DYNC1I1: variants seen among roughly 807,000 people sequenced by gnomAD.
DYNC1I1 encodes the protein dynein cytoplasmic 1 intermediate chain 1, also known as cytoplasmic dynein 1 intermediate chain 1.
DYNC1I1 carries 43 observed loss-of-function variants against 86.6 expected under a neutral mutation model. The observed-to-expected ratio is 0.50, with a 90% CI of 0.39 to 0.64. DYNC1I1 has a LOEUF of 0.64. DYNC1I1 is among the 30% of genes least tolerant of loss of function. The pLI, the probability that DYNC1I1 is intolerant of heterozygous loss-of-function variation, is 0.00. For missense variants in DYNC1I1, 604 were observed against 788.8 expected, an observed-to-expected ratio of 0.77 and a Z score of 2.81; for synonymous variants, 262 against 283.7, an observed-to-expected ratio of 0.92 and a Z score of 0.77.
At chr7:95,809,875 T>C (rs1451323974) in intron 2 of DYNC1I1, among the ~76,000 whole-genome samples, 2 of 152,184 alleles carry the variant, frequency 1.3e-5, no homozygotes, top group Non-Finnish European at 2.9e-5. Flanking sequence ...TAGCCCAGTT[T>C]ATTTTAAACC....
At chr7:96,070,903 T>A (rs1485732939) in intron 14 of DYNC1I1, among the ~76,000 whole-genome samples, 1 of 152,220 alleles carries the variant, frequency 6.6e-6, no homozygotes, top group African/African-American at 2.4e-5. Flanking sequence ...TGAAATCATT[T>A]TGTTTACTTG....
At chr7:96,023,672 T>C (rs1217432905) in intron 10 of DYNC1I1, among the ~76,000 whole-genome samples, 1 of 152,130 alleles carries the variant, frequency 6.6e-6, no homozygotes, top group Non-Finnish European at 1.5e-5. Context: ...CTGACTTCTC[T>C]TTAAATAGAT....
intron 10 of DYNC1I1, among the ~76,000 whole-genome samples, chr7:96,015,881 G>A (rs1794389339): frequency 6.6e-6 from 1 of 152,100 alleles, no homozygotes; most frequent in Non-Finnish European, 1.5e-5. Flanking sequence ...ATATCTTATA[G>A]TAAGCACTTA....
At chr7:95,926,561 T>C (rs1422753282) in intron 6 of DYNC1I1, among the ~76,000 whole-genome samples, 1 of 152,186 alleles carries the variant, frequency 6.6e-6, no homozygotes, top group Non-Finnish European at 1.5e-5. Flanking sequence ...TTTAGATGTA[T>C]TTATTTTTTC....
chr7:95,798,648 A>T lies in DYNC1I1; in HGVS notation c.-9-6073A>T, dbSNP rs79871963. Among the ~76,000 whole-genome samples, 982 of 152,324 alleles carry T rather than the reference A, an allele frequency of 6.4e-3. 13 individuals are homozygous for T. The highest frequency in any genetic ancestry group is 0.022 in the African/African-American group (923 of 41,568). On this transcript the variant is annotated intron_variant, in intron 1 of 16. Coordinates refer to ENST00000447467, the MANE Select transcript of DYNC1I1 (RefSeq NM_001135556.2). ...CTAGGATTCTGACTTTAAGCTTAAA[A>T]ATACATTTGCATATGCCAGCATTAG...
At chr7:95,773,269 G>A (rs1379393931) in intron 1 of DYNC1I1, among the ~76,000 whole-genome samples, 2 of 152,234 alleles carry the variant, frequency 1.3e-5, no homozygotes, top group Admixed American at 6.5e-5. Flanking sequence ...GTCGGAGGGA[G>A]CGAATTCACT....
At chr7:96,088,571 TTGC>T (rs1206621016) in intron 16 of DYNC1I1, among the ~76,000 whole-genome samples, 1 of 152,146 alleles carries the variant, frequency 6.6e-6, no homozygotes, top group African/African-American at 2.4e-5. Flanking sequence ...TCTTGAAAAA[TTGC>T]TGCTTAGAGC....
chr7:95,804,986 T>G, intron 2 of DYNC1I1, 149 bp downstream of exon 2: 1 of 1,374,690 alleles, frequency 7.3e-7, no homozygotes, highest in South Asian at 1.9e-5. Flanking sequence ...CATGGTAAAG[T>G]TGTTGCCCTC....
intron 9 of DYNC1I1, 134 bp from the exon 10 acceptor site, chr7:95,995,814 G>A: frequency 7.8e-7 from 1 of 1,281,120 alleles, no homozygotes; most frequent in Non-Finnish European, 1.1e-6. Context: ...GCAGTAAGCT[G>A]ATAGTAGGTA....
chr7:95,970,231 C>T (rs960252131), intron 6 of DYNC1I1, among the ~76,000 whole-genome samples: 19 of 152,260 alleles, frequency 1.2e-4, no homozygotes, highest in African/African-American at 2.9e-4. Flanking sequence ...CTGGCAACTG[C>T]GCCGACCAAA....
In DYNC1I1 at chr7:95,865,732, C is replaced by T. The variant is rs143852858; in HGVS notation, c.375-4151C>T. Among the ~76,000 whole-genome samples the T allele has an allele frequency of 4.0e-3, 603 of 152,214 alleles. 3 individuals carry two copies. The highest frequency in any genetic ancestry group is 0.013 in the African/African-American group (538 of 41,512). On this transcript the variant is annotated intron_variant, in intron 5 of 16. Coordinates refer to ENST00000447467, the MANE Select transcript of DYNC1I1 (RefSeq NM_001135556.2). ...CTACAACTGCCTACGGTATTTAGTA[C>T]GGTAATATGCTGTACAGGGTTGTAG...
chr7:96,086,596 G>C (rs115121747), intron 16 of DYNC1I1, among the ~76,000 whole-genome samples: 1 of 152,078 alleles, frequency 6.6e-6, no homozygotes, highest in Non-Finnish European at 1.5e-5. Context: ...CAAATAGCTT[G>C]TTTGATACGA....
At chr7:95,823,993 G>GTTT (rs10550145) in intron 4 of DYNC1I1, among the ~76,000 whole-genome samples, 2 of 78,432 alleles carry the variant, frequency 2.5e-5, no homozygotes, top group Non-Finnish European at 4.7e-5. Flanking sequence ...TTGGTTTTTT[G>GTTT]TTTTTTTTTT....
At chr7:95,974,372 A>G (rs1274896423) in intron 6 of DYNC1I1, among the ~76,000 whole-genome samples, 1 of 152,182 alleles carries the variant, frequency 6.6e-6, no homozygotes, top group African/African-American at 2.4e-5. Flanking sequence ...TTTGTTTTGA[A>G]GATTTATGCT....
intron 5 of DYNC1I1, among the ~76,000 whole-genome samples, chr7:95,847,591 C>G (rs1460369259): frequency 6.6e-6 from 1 of 152,144 alleles, no homozygotes; most frequent in Non-Finnish European, 1.5e-5. Context: ...TTTAATAACT[C>G]CTCACTGTCT....
At chr7:96,053,744 C>CT (rs34055694) in intron 14 of DYNC1I1, among the ~76,000 whole-genome samples, 35,038 of 151,682 alleles carry the variant, frequency 0.23, 4,221 homozygotes, top group East Asian at 0.34. Context: ...CATACTTACA[C>CT]TTTTTTTTAG....
chr7:96,074,480 G>C (rs1790269043), intron 14 of DYNC1I1, among the ~76,000 whole-genome samples: 1 of 151,070 alleles, frequency 6.6e-6, no homozygotes, highest in Non-Finnish European at 1.5e-5. Flanking sequence ...GAACCCGGGA[G>C]GCGGAGCTTG....
chr7:95,827,848 C>CTCCT (rs1795235713), intron 4 of DYNC1I1, among the ~76,000 whole-genome samples: 1 of 151,812 alleles, frequency 6.6e-6, no homozygotes, highest in East Asian at 1.9e-4. Context: ...CCATAGCTCC[C>CTCCT]GATATTAAAC....
intron 1 of DYNC1I1, chr7:95,804,375 G>T: frequency 7.8e-7 from 1 of 1,276,396 alleles, no homozygotes; most frequent in South Asian, 1.3e-5. Flanking sequence ...CATGATGATG[G>T]TTCTTTTTTG....
Sources: allele counts gnomAD v4.1 joint callset (sites outside exome capture counted in the v4.1 genomes callset), GRCh38; gene constraint gnomAD v4.1.1; transcripts MANE v1.5; gene names NCBI Gene and HGNC (gene_info 2026-07-23, HGNC 2026-07-21).